Variants in GABRB3 observed in about 807,000 individuals in gnomAD.
GABRB3 encodes the protein gamma-aminobutyric acid receptor subunit beta-3.
Under a neutral mutation model 52.1 loss-of-function variants are expected in GABRB3, and 14 were observed. The ratio of observed to expected loss-of-function variants is 0.27; its 90% CI spans 0.18 to 0.42. The LOEUF (loss-of-function observed/expected upper bound fraction) is 0.42. GABRB3 is among the 10% of genes least tolerant of loss of function. The pLI is 1.00. For synonymous variants in GABRB3, 260 were observed against 232.3 expected (o/e 1.12, Z -1.08); for missense variants, 307 against 609.1 (o/e 0.50, Z 5.22).
intron 8 of GABRB3, among the ~76,000 whole-genome samples, chr15:26,558,436 C>T (rs1403867470): frequency 1.3e-5 from 2 of 152,124 alleles, no homozygotes; most frequent in East Asian, 3.9e-4. Context: ...CCCATAAAGG[C>T]ATGGAGGGCA....
At chr15:26,639,801 C>G (rs536571821) in intron 3 of GABRB3, among the ~76,000 whole-genome samples, 1 of 152,256 alleles carries the variant, frequency 6.6e-6, no homozygotes, top group South Asian at 2.1e-4. Flanking sequence ...TGTTTTAATT[C>G]CTCTAATATC....
intron 6 of GABRB3, among the ~76,000 whole-genome samples, chr15:26,568,665 GT>G (rs138366725): frequency 0.038 from 4,489 of 119,012 alleles, 260 homozygotes; most frequent in African/African-American, 0.12. Context: ...GCCCAGCTAG[GT>G]TTTTTTTTTT....
At chr15:26,686,775 G>A (rs572919648) in intron 3 of GABRB3, among the ~76,000 whole-genome samples, 7 of 152,338 alleles carry the variant, frequency 4.6e-5, no homozygotes, top group South Asian at 2.1e-4. Context: ...CAGGGCACCC[G>A]GCGTGGGATG....
chr15:26,634,828 A>G (rs965252054), intron 3 of GABRB3, among the ~76,000 whole-genome samples: 1 of 146,508 alleles, frequency 6.8e-6, no homozygotes, highest in African/African-American at 2.5e-5. Flanking sequence ...GTGTGTATAT[A>G]TGTGTTTGTG....
At chr15:26,666,344 C>T (rs1887709572) in intron 3 of GABRB3, 1 of 152,162 alleles carries the variant, frequency 6.6e-6, no homozygotes. Context: ...TATTGTGACT[C>T]TTTCTGAAAA....
chr15:26,727,782 A>G (rs1352822503), intron 3 of GABRB3, among the ~76,000 whole-genome samples: 1 of 152,168 alleles, frequency 6.6e-6, no homozygotes, highest in African/African-American at 2.4e-5. Flanking sequence ...TGTTCATACC[A>G]ATACCACTGA....
At chr15:26,674,440 AGG>A (rs1888002908) in intron 3 of GABRB3, among the ~76,000 whole-genome samples, 1 of 124,306 alleles carries the variant, frequency 8.0e-6, no homozygotes, top group Non-Finnish European at 1.8e-5. Flanking sequence ...AAGAAAGGAA[AGG>A]AAAGGAAAGG....
intron 3 of GABRB3, among the ~76,000 whole-genome samples, chr15:26,660,983 C>T (rs1218755125): frequency 1.3e-5 from 2 of 151,982 alleles, no homozygotes; most frequent in Non-Finnish European, 2.9e-5. Context: ...TGGGGGTCTC[C>T]TTATGTTGCC....
In GABRB3 at chr15:26,772,829, G is replaced by A. The variant is rs534064800; in HGVS notation, c.80+54C>T. 4,018 of 1,459,760 alleles carry A rather than the reference G, an allele frequency of 2.8e-3. 104 individuals are homozygous for A. In the African/African-American group the frequency reaches 0.051, roughly 19 times the overall value. 90.4% of individuals were successfully genotyped at this position (1,459,760 alleles called of 1,614,324 possible). ...GGTCAGGGGCGGCTCAGCCGCCAGC[G>A]CCCCGCGCACCCCGCGCCCTGCCCG... On this transcript the variant is annotated intron_variant, in intron 1 of 8. Transcript: ENST00000311550.
intron 3 of GABRB3, among the ~76,000 whole-genome samples, chr15:26,764,245 A>C (rs983418975): frequency 3.0e-5 from 4 of 131,532 alleles, no homozygotes; most frequent in African/African-American, 9.0e-5. Context: ...TAGTGTCATG[A>C]ATCATGGCAT....
chr15:26,653,394 T>C (rs532270012), intron 3 of GABRB3, among the ~76,000 whole-genome samples: 2 of 152,270 alleles, frequency 1.3e-5, no homozygotes, highest in Admixed American at 6.5e-5. Flanking sequence ...ACCAGTAAAC[T>C]GAGTCAACCA....
At chr15:26,768,229 G>A (rs1010709635) in intron 3 of GABRB3, among the ~76,000 whole-genome samples, 36 of 151,982 alleles carry the variant, frequency 2.4e-4, no homozygotes, top group African/African-American at 8.7e-4. Context: ...ACTTTCATTA[G>A]GATTGAGTTA....
chr15:26,687,987 T>C (rs1888460793), intron 3 of GABRB3, among the ~76,000 whole-genome samples: 1 of 152,172 alleles, frequency 6.6e-6, no homozygotes, highest in Non-Finnish European at 1.5e-5. Flanking sequence ...GACAACCTAT[T>C]ACTGAGGAAG....
chr15:26,582,750 G>C (rs975052077), intron 5 of GABRB3, among the ~76,000 whole-genome samples: 2 of 152,184 alleles, frequency 1.3e-5, no homozygotes, highest in Non-Finnish European at 2.9e-5. Flanking sequence ...TTATAAACCA[G>C]TTCATAATAG....
At chr15:26,754,657 C>T (rs1266012596) in intron 3 of GABRB3, among the ~76,000 whole-genome samples, 1 of 152,048 alleles carries the variant, frequency 6.6e-6, no homozygotes, top group African/African-American at 2.4e-5. Flanking sequence ...GAAAATGTTA[C>T]CCATGTAGGC....
chr15:26,745,127 C>A (rs906794375), intron 3 of GABRB3, among the ~76,000 whole-genome samples: 2 of 151,692 alleles, frequency 1.3e-5, no homozygotes, highest in Admixed American at 6.6e-5. Context: ...CGTGAGAACT[C>A]ACTCACTAAC....
chr15:26,767,745 G>A (rs887396938), intron 3 of GABRB3, among the ~76,000 whole-genome samples: 6 of 152,184 alleles, frequency 3.9e-5, no homozygotes, highest in Admixed American at 2.0e-4. Flanking sequence ...GAAGTAGGGG[G>A]AAGGAGGACT....
intron 3 of GABRB3, among the ~76,000 whole-genome samples, chr15:26,655,761 T>C (rs1327220388): frequency 1.3e-5 from 2 of 148,632 alleles, no homozygotes; most frequent in African/African-American, 2.5e-5. Context: ...AAAAAAACCC[T>C]CGGTTTCTGC....
At chr15:26,729,493 G>A (rs1286076490) in intron 3 of GABRB3, among the ~76,000 whole-genome samples, 1 of 152,144 alleles carries the variant, frequency 6.6e-6, no homozygotes, top group African/African-American at 2.4e-5. Flanking sequence ...CTAATGGCTA[G>A]CCTTTTAGGA....
Sources: gnomAD v4.1 joint callset for allele counts (sites outside exome capture counted in the v4.1 genomes callset) on GRCh38, gnomAD v4.1.1 for gene constraint, MANE v1.5 for transcripts, NCBI Gene and HGNC (gene_info 2026-07-23, HGNC 2026-07-21) for gene names.